The following STK10 variants were observed in gnomAD, a reference collection of about 807,000 sequenced individuals.
STK10 encodes the protein serine/threonine kinase 10.
In STK10, 78 loss-of-function variants were observed where a neutral mutation model predicts 113.8. The observed-to-expected ratio is 0.69, with a 90% CI of 0.57 to 0.83. STK10 has a LOEUF of 0.83. STK10 is among the 40% of genes least tolerant of loss of function. The pLI, the probability that STK10 is intolerant of heterozygous loss-of-function variation, is 0.00. For synonymous variants in STK10, 465 were observed against 494.7 expected (o/e 0.94, Z 0.80); for missense variants, 1,109 against 1,280.1 (o/e 0.87, Z 2.04).
chr5:172,177,166 A>G (rs983392945), intron 1 of STK10, among the ~76,000 whole-genome samples: 1 of 127,510 alleles, frequency 7.8e-6, no homozygotes, highest in African/African-American at 3.9e-5. Flanking sequence ...GAAGGAGTGC[A>G]GTCTTTAAAA....
intron 10 of STK10, among the ~76,000 whole-genome samples, 179 bp downstream of exon 10, chr5:172,090,053 G>A (rs941626400): frequency 6.6e-6 from 1 of 152,038 alleles, no homozygotes; most frequent in African/African-American, 2.4e-5. Context: ...GGATAGATAG[G>A]TGAACGGTTG....
chr5:172,161,465 T>TA (rs932362412), intron 1 of STK10, among the ~76,000 whole-genome samples: 7 of 151,112 alleles, frequency 4.6e-5, no homozygotes, highest in Non-Finnish European at 8.9e-5. Context: ...AAAAAAAAAA[T>TA]AAAAAAATAC....
intron 18 of STK10, among the ~76,000 whole-genome samples, chr5:172,048,436 C>CACACACACACACACAG (rs1767545136): frequency 6.6e-6 from 1 of 151,656 alleles, no homozygotes; most frequent in African/African-American, 2.4e-5. Context: ...CACACACACA[C>CACACACACACACACAG]ACACACACAC....
chr5:172,161,339 A>C (rs1561831377), intron 1 of STK10, among the ~76,000 whole-genome samples: 2 of 152,028 alleles, frequency 1.3e-5, no homozygotes, highest in Non-Finnish European at 2.9e-5. Context: ...TGTAGTCCCA[A>C]CTACTCGGGA....
At chr5:172,142,945 G>T (rs1190227467) in intron 2 of STK10, among the ~76,000 whole-genome samples, 1 of 152,184 alleles carries the variant, frequency 6.6e-6, no homozygotes, top group Non-Finnish European at 1.5e-5. Flanking sequence ...GGCCCTACTG[G>T]TCAGCACACA....
chr5:172,054,330 C>A (rs990321744), intron 17 of STK10, among the ~76,000 whole-genome samples: 1 of 152,202 alleles, frequency 6.6e-6, no homozygotes, highest in African/African-American at 2.4e-5. Flanking sequence ...TCCTGCACAG[C>A]AGGAATGGTC....
intron 12 of STK10, among the ~76,000 whole-genome samples, chr5:172,073,486 C>T (rs987902187): frequency 1.3e-5 from 2 of 151,594 alleles, no homozygotes; most frequent in African/African-American, 2.4e-5. Flanking sequence ...GTTTTAGAGA[C>T]AGGGTTTCAG....
rs1380511929 is a variant in STK10 at position 172,120,197 on chromosome 5, T to A, written c.371-2567A>T. On this transcript the variant is annotated intron_variant, in intron 3 of 18. Coordinates refer to ENST00000176763, the MANE Select transcript of STK10 (RefSeq NM_005990.4). This position sits in a 1 kb window ranked among gnomAD's most constrained non-coding sequence, Gnocchi z 4.0. ...CTTGGCCTGCCAGGTTCCCAGGCTG[T>A]CGGCTTCTAAGCCTGGTCACCAAAG... is the stretch of plus-strand genomic sequence containing the variant. 6.6e-6 allele frequency among the ~76,000 whole-genome samples: 1 copy of A among 152,168 alleles called. No individual in the cohort carries two copies.
intron 1 of STK10, among the ~76,000 whole-genome samples, chr5:172,172,206 A>G (rs1214464260): frequency 1.3e-5 from 2 of 152,084 alleles, no homozygotes; most frequent in African/African-American, 4.8e-5. Context: ...AACAAACAGT[A>G]TGGCATGCAC....
rs574488817 is a variant in STK10 at position 172,183,456 on chromosome 5, C to CTT, written c.156+4429_156+4430dup. ...GAAACCATATAGCTTGTAAACTTTA[C>CTT]TTTTTTTTTTTTTTTTGAGACAGAG... On this transcript the variant is annotated intron_variant, in intron 1 of 18. Transcript: ENST00000176763. 1.4e-3 allele frequency among the ~76,000 whole-genome samples: 192 copies of CTT among 139,756 alleles called. 1 individual carries two copies. The highest frequency in any genetic ancestry group is 3.8e-3 in the African/African-American group (145 of 37,810). The allele number at this position is 139,756 out of a possible 152,430, so 91.7% of individuals were successfully genotyped here. A position where few individuals can be genotyped will look rare whatever the true frequency, so the allele number is the denominator to read the frequency against.
intron 1 of STK10, among the ~76,000 whole-genome samples, chr5:172,163,715 A>C (rs1216249692): frequency 1.3e-5 from 2 of 152,188 alleles, no homozygotes; most frequent in African/African-American, 4.8e-5. Flanking sequence ...AATGAACAAG[A>C]CAAGCAATTT....
chr5:172,097,547 A>T (rs111361416), intron 7 of STK10, among the ~76,000 whole-genome samples: 1 of 152,288 alleles, frequency 6.6e-6, no homozygotes, highest in African/African-American at 2.4e-5. Flanking sequence ...ACTCAGCGTC[A>T]TGACTGTGAG....
At chr5:172,056,033 A>T (rs760554308) in intron 15 of STK10, among the ~76,000 whole-genome samples, 1 of 152,228 alleles carries the variant, frequency 6.6e-6, no homozygotes, top group Non-Finnish European at 1.5e-5. Context: ...GCATGCCATC[A>T]TTAGCTAATA....
chr5:172,089,419 T>TGGATGGATGGAA (rs1312859649), intron 10 of STK10, among the ~76,000 whole-genome samples: 11 of 149,672 alleles, frequency 7.3e-5, no homozygotes, highest in African/African-American at 2.8e-4. Flanking sequence ...GATGGATGGA[T>TGGATGGATGGAA]GGATGGATGG....
Position 172,108,981 on chromosome 5 carries a change from C to T in STK10, c.521-1129G>A, listed in dbSNP as rs1769176716. Among the ~76,000 whole-genome samples, 6 of 152,188 alleles carry T rather than the reference C, an allele frequency of 3.9e-5. No homozygotes were observed. In the South Asian group the frequency reaches 1.2e-3, roughly 32 times the overall value. On this transcript the variant is annotated intron_variant, in intron 4 of 18. Coordinates refer to ENST00000176763, the MANE Select transcript of STK10 (RefSeq NM_005990.4). The stretch of plus-strand genomic sequence containing the variant: ...TGTATTTTTAGTAGAGATGGAGTTT[C>T]ACCACGTTGCCCAGGCTTGTCTTGA...
At chr5:172,090,935 T>TA (rs547251159) in intron 9 of STK10, among the ~76,000 whole-genome samples, 2,842 of 46,114 alleles carry the variant, frequency 0.062, 327 homozygotes, top group African/African-American at 0.12. Context: ...ACTCCGTCTC[T>TA]AAAAAAAAAA....
intron 14 of STK10, 75 bp downstream of exon 14, chr5:172,061,064 C>A (rs1031504125): frequency 2.1e-5 from 31 of 1,496,924 alleles, no homozygotes; most frequent in Non-Finnish European, 2.7e-5. Flanking sequence ...TTCTTGTTGC[C>A]CACCCCACTT....
chr5:172,099,658 G>A (rs62381969), intron 7 of STK10, among the ~76,000 whole-genome samples: 18,566 of 152,186 alleles, frequency 0.12, 1,168 homozygotes, highest in Non-Finnish European at 0.14. Context: ...GATCCCAAAG[G>A]TGAGAACCAA....
rs759870805 is a variant in STK10 at position 172,187,820 on chromosome 5, G to C, written c.156+67C>G. 7 of 1,575,400 alleles carry C rather than the reference G, an allele frequency of 4.4e-6. No homozygotes were observed. The highest frequency in any genetic ancestry group is 1.4e-5 in the African/African-American group (1 of 73,812). Reference sequence around the variant, plus strand: ...AGCCGGAGCCAGGCTGGCCGGGTCCGGCTCAGGCATCCCTTCCTTCCGGAG... The same window carrying C: ...AGCCGGAGCCAGGCTGGCCGGGTCCCGCTCAGGCATCCCTTCCTTCCGGAG... On this transcript the variant is annotated intron_variant, in intron 1 of 18. Transcript: ENST00000176763. The surrounding 1 kb of genome is among the most constrained non-coding windows in gnomAD (Gnocchi z 4.6).
Sources: allele counts gnomAD v4.1 joint callset (sites outside exome capture counted in the v4.1 genomes callset), GRCh38; gene constraint gnomAD v4.1.1; non-coding constraint Gnocchi (gnomAD v3.1); transcripts MANE v1.5; gene names NCBI Gene and HGNC (gene_info 2026-07-23, HGNC 2026-07-21).